The following FUT8 variants were observed in gnomAD, a reference collection of about 807,000 sequenced individuals.
FUT8 encodes fucosyltransferase 8.
A neutral mutation model predicts 71.3 loss-of-function variants in FUT8; 29 were observed. The observed-to-expected ratio is 0.41, with a 90% CI of 0.30 to 0.55. The LOEUF (loss-of-function observed/expected upper bound fraction) is 0.55. Ranked by LOEUF, FUT8 falls within the 20% of genes least tolerant of loss-of-function variation. FUT8 has a pLI of 0.34. For synonymous variants in FUT8, 254 were observed against 239.3 expected, an observed-to-expected ratio of 1.06 and a Z score of -0.57; for missense variants, 544 against 702.1, an observed-to-expected ratio of 0.77 and a Z score of 2.55.
intron 2 of FUT8, among the ~76,000 whole-genome samples, chr14:65,463,086 A>G (rs2065990997): frequency 6.6e-6 from 1 of 152,208 alleles, no homozygotes; most frequent in Non-Finnish European, 1.5e-5. Flanking sequence ...ATTTTAGAAG[A>G]TACATTAGAA....
At chr14:65,708,008 C>T (rs1245401725) in intron 7 of FUT8, among the ~76,000 whole-genome samples, 2 of 152,160 alleles carry the variant, frequency 1.3e-5, no homozygotes, top group African/African-American at 4.8e-5. Flanking sequence ...TGAAAAATGA[C>T]ATTGGAATTT....
At chr14:65,618,408 ATGG>A (rs1889421214) in intron 5 of FUT8, among the ~76,000 whole-genome samples, 1 of 152,086 alleles carries the variant, frequency 6.6e-6, no homozygotes, top group Non-Finnish European at 1.5e-5. Flanking sequence ...ATGTTAAATA[ATGG>A]TAGTTCATTG....
chr14:65,476,258 A>G (rs1421379431), intron 2 of FUT8, among the ~76,000 whole-genome samples: 1 of 152,178 alleles, frequency 6.6e-6, no homozygotes, highest in South Asian at 2.1e-4. Context: ...TTATTTTTTC[A>G]TCATAGATCA....
intron 1 of FUT8, among the ~76,000 whole-genome samples, chr14:65,439,757 G>A (rs959212850): frequency 6.6e-6 from 1 of 151,668 alleles, no homozygotes; most frequent in African/African-American, 2.4e-5. Flanking sequence ...AATAAAATAT[G>A]CACAAAAGCC....
upstream of FUT8, among the ~76,000 whole-genome samples, chr14:65,406,170 A>T (rs376235202): frequency 2.0e-5 from 3 of 152,280 alleles, no homozygotes; most frequent in East Asian, 3.8e-4. Flanking sequence ...CTATGAATAA[A>T]CATCATTTAA....
In FUT8 at chr14:65,742,772, A is replaced by G. The variant is rs1896568005; in HGVS notation, c.*362A>G. On this transcript the variant is annotated 3_prime_UTR_variant, in exon 11 of 11. Transcript: ENST00000673929. ...GTGAGACTTAAAACATGGTGCCTAT[A>G]TCTGAGAGACCTGTGTGAACTATTG... 5.0e-6 allele frequency: 1 copy of G among 201,246 alleles called. No individual in the cohort carries two copies. Among genetic ancestry groups the G allele is most frequent in the South Asian group, 1.1e-4 (1 of 9,374 alleles). The allele number at this position is 201,246 out of a possible 1,614,324, so 12.5% of individuals were successfully genotyped here.
At chr14:65,357,513 G>C in the FUT8 span, among the ~76,000 whole-genome samples, 56 of 152,316 alleles carry the variant, frequency 3.7e-4, no homozygotes, top group African/African-American at 1.3e-3. Flanking sequence ...ACCCTTAGGT[G>C]GTTGAGATAC....
chr14:65,649,906 T>C (rs1222572537), intron 6 of FUT8, among the ~76,000 whole-genome samples: 1 of 152,152 alleles, frequency 6.6e-6, no homozygotes, highest in Non-Finnish European at 1.5e-5. Flanking sequence ...TTTGAGAATA[T>C]ATTGGGCTTA....
At chr14:65,556,397 A>G (rs1330136811) in intron 2 of FUT8, among the ~76,000 whole-genome samples, 1 of 152,138 alleles carries the variant, frequency 6.6e-6, no homozygotes, top group African/African-American at 2.4e-5. Flanking sequence ...TTGTGGTCTT[A>G]GGACTGAGCA....
rs534108157 is a variant in FUT8 at position 65,533,241 on chromosome 14, C to A, written c.-227-28096C>A. The stretch of plus-strand genomic sequence containing the variant: ...CATTGAATTTGTAAATTGCTCTGGG[C>A]AGTATGGCAATTTTAATTTTAATGA... On this transcript the variant is annotated intron_variant, in intron 2 of 10. Transcript: ENST00000673929. Among the ~76,000 whole-genome samples the A allele has an allele frequency of 1.2e-3, 188 of 152,224 alleles. 1 individual carries two copies. The highest frequency in any genetic ancestry group is 4.4e-3 in the African/African-American group (183 of 41,548).
At chr14:65,383,463 CG>C in the FUT8 span, among the ~76,000 whole-genome samples, 1 of 151,844 alleles carries the variant, frequency 6.6e-6, no homozygotes, top group Non-Finnish European at 1.5e-5. Context: ...TTAGTAGAGA[CG>C]GGGTTTCACC....
chr14:65,423,787 A>G (rs1199084541), intron 1 of FUT8, among the ~76,000 whole-genome samples: 1 of 152,230 alleles, frequency 6.6e-6, no homozygotes, highest in East Asian at 1.9e-4. Context: ...TAAAGTTTAT[A>G]GGGATGCCTT....
At chr14:65,514,944 G>C (rs1489447445) in intron 2 of FUT8, among the ~76,000 whole-genome samples, 3 of 151,316 alleles carry the variant, frequency 2.0e-5, no homozygotes, top group African/African-American at 7.3e-5. Flanking sequence ...TACCTCTTTG[G>C]CATGCAACTT....
At chr14:65,562,117 C>T (rs750103984) in intron 3 of FUT8, among the ~76,000 whole-genome samples, 1 of 151,700 alleles carries the variant, frequency 6.6e-6, no homozygotes, top group Admixed American at 6.6e-5. Flanking sequence ...CCAGTGTGGC[C>T]CAGGGAAACC....
chr14:65,481,057 C>T (rs563495755), intron 2 of FUT8, among the ~76,000 whole-genome samples: 163 of 152,244 alleles, frequency 1.1e-3, no homozygotes, highest in Non-Finnish European at 1.0e-3. Flanking sequence ...CACCATTTTA[C>T]ATTTCCATCA....
At chr14:65,692,126 C>T (rs1893644915) in intron 7 of FUT8, among the ~76,000 whole-genome samples, 1 of 152,132 alleles carries the variant, frequency 6.6e-6, no homozygotes, top group African/African-American at 2.4e-5. Flanking sequence ...GTACACCTCC[C>T]AGACCGGGTG....
At chr14:65,724,464 G>T in intron 9 of FUT8, 141 bp downstream of exon 9, 1 of 572,368 alleles carries the variant, frequency 1.7e-6, no homozygotes, top group Non-Finnish European at 3.1e-6. Context: ...CTATGTACTT[G>T]TGTAACTGTC....
intron 3 of FUT8, among the ~76,000 whole-genome samples, chr14:65,595,749 C>T (rs1184676671): frequency 1.3e-5 from 2 of 151,830 alleles, no homozygotes; most frequent in East Asian, 3.9e-4. Context: ...GCTGGTATTA[C>T]AGGCACCCGC....
intron 3 of FUT8, among the ~76,000 whole-genome samples, chr14:65,582,134 A>G (rs1373345052): frequency 6.6e-6 from 1 of 152,146 alleles, no homozygotes; most frequent in Non-Finnish European, 1.5e-5. Flanking sequence ...GTGTCACATG[A>G]TGAGTTGAGC....
Sources: allele counts gnomAD v4.1 joint callset (sites outside exome capture counted in the v4.1 genomes callset), GRCh38; gene constraint gnomAD v4.1.1; transcripts MANE v1.5; gene names NCBI Gene and HGNC (gene_info 2026-07-23, HGNC 2026-07-21).